ATP6V1E1: variants seen among roughly 807,000 people sequenced by gnomAD.
ATP6V1E1 encodes V-type proton ATPase subunit E 1.
Under a neutral mutation model 35.2 loss-of-function variants are expected in ATP6V1E1, and 21 were observed. That is an observed-to-expected ratio of 0.60 (90% CI 0.42 to 0.86). The LOEUF (loss-of-function observed/expected upper bound fraction) is 0.86. Among genes scored for constraint, ATP6V1E1 ranks in the 40% least tolerant of loss-of-function variants. The pLI, the probability that ATP6V1E1 is intolerant of heterozygous loss-of-function variation, is 0.00. For missense variants in ATP6V1E1, 183 were observed against 272.6 expected (o/e 0.67, Z 2.32); for synonymous variants, 83 against 87.8 (o/e 0.95, Z 0.30).
At chr22:17,612,760 GA>G (rs1176174631) in intron 4 of ATP6V1E1, 51 bp downstream of exon 4, 1 of 1,372,376 alleles carries the variant, frequency 7.3e-7, no homozygotes, top group African/African-American at 1.5e-5. Context: ...TTACAACAGG[GA>G]AATGAATAAA....
chr22:17,626,008 T>A (rs540730827), intron 1 of ATP6V1E1, among the ~76,000 whole-genome samples: 33 of 152,102 alleles, frequency 2.2e-4, no homozygotes, highest in Non-Finnish European at 4.6e-4. Context: ...CTCCTAAATG[T>A]AAGCAAAAGG....
intron 2 of ATP6V1E1, 48 bp from the exon 3 acceptor site, chr22:17,613,368 AAC>A: frequency 6.8e-7 from 1 of 1,479,802 alleles, no homozygotes. Context: ...AGTTTTGATT[AAC>A]AGTTTTAAAC....
At chr22:17,617,785 C>CTA (rs1400560898) in intron 2 of ATP6V1E1, among the ~76,000 whole-genome samples, 1 of 152,016 alleles carries the variant, frequency 6.6e-6, no homozygotes, top group African/African-American at 2.4e-5. Flanking sequence ...ATTTTATACC[C>CTA]TATATACTTC....
chr22:17,608,110 T>C lies in ATP6V1E1; in HGVS notation c.276+4702A>G, dbSNP rs1283723735. Among the ~76,000 whole-genome samples the C allele has an allele frequency of 2.6e-5, 4 of 152,188 alleles. No homozygotes were observed. The East Asian group carries it at 7.7e-4, about 29-fold the overall frequency. On this transcript the variant is annotated intron_variant, in intron 4 of 8. Coordinates refer to ENST00000253413, the MANE Select transcript of ATP6V1E1 (RefSeq NM_001696.4). ...GCTGTAGTGGAGATGTATTATCTTG[T>C]CCAGGTCCTATTAGACTGCAGACTC...
At chr22:17,592,782 T>C (rs1410078551) in intron 8 of ATP6V1E1, 46 bp from the exon 9 acceptor site, 2 of 1,517,544 alleles carry the variant, frequency 1.3e-6, no homozygotes, top group African/African-American at 2.8e-5. Context: ...GCTGAAGAAG[T>C]TGTAGAGCGC....
intron 2 of ATP6V1E1, among the ~76,000 whole-genome samples, chr22:17,614,567 G>C (rs1051530846): frequency 1.3e-5 from 2 of 151,610 alleles, no homozygotes; most frequent in African/African-American, 2.4e-5. Context: ...AGATACTCAA[G>C]AGGGAGAGGT....
chr22:17,624,261 T>C (rs1264253637), intron 1 of ATP6V1E1, among the ~76,000 whole-genome samples: 1 of 152,098 alleles, frequency 6.6e-6, no homozygotes, highest in East Asian at 1.9e-4. Flanking sequence ...CAATTTTACA[T>C]AAATAAAAAA....
intron 1 of ATP6V1E1, among the ~76,000 whole-genome samples, chr22:17,623,086 G>C (rs1203375907): frequency 1.3e-5 from 2 of 152,116 alleles, no homozygotes; most frequent in Admixed American, 1.3e-4. Context: ...TATTTTGGCA[G>C]GTGAGTTGTT....
chr22:17,606,405 T>G (rs1323976190), intron 4 of ATP6V1E1, among the ~76,000 whole-genome samples: 1 of 152,208 alleles, frequency 6.6e-6, no homozygotes, highest in Admixed American at 6.6e-5. Flanking sequence ...CGGTATCATT[T>G]CACAGTCTGT....
intron 7 of ATP6V1E1, 108 bp from the exon 8 acceptor site, chr22:17,594,724 G>A (rs1019583203): frequency 1.6e-5 from 13 of 812,374 alleles, no homozygotes; most frequent in East Asian, 3.3e-5. Context: ...TGTAGACTGC[G>A]CAACCTAAGC....
At chr22:17,598,345 A>G in intron 6 of ATP6V1E1, 57 bp from the exon 7 acceptor site, 2 of 1,347,624 alleles carry the variant, frequency 1.5e-6, no homozygotes, top group Non-Finnish European at 2.1e-6. Context: ...CAAGTATCCA[A>G]AAACTCAACA....
intron 1 of ATP6V1E1, among the ~76,000 whole-genome samples, chr22:17,620,412 A>G (rs962516902): frequency 4.0e-5 from 6 of 151,364 alleles, no homozygotes; most frequent in Non-Finnish European, 7.4e-5. Flanking sequence ...CTCCCAAAGT[A>G]CTGGGATTAC....
intron 4 of ATP6V1E1, among the ~76,000 whole-genome samples, chr22:17,602,074 T>G (rs1196495851): frequency 1.3e-5 from 2 of 152,132 alleles, no homozygotes; most frequent in East Asian, 3.9e-4. Context: ...CCAGCTCATA[T>G]TATTTTATTT....
At chr22:17,623,421 C>T (rs2057887976) in intron 1 of ATP6V1E1, among the ~76,000 whole-genome samples, 1 of 152,084 alleles carries the variant, frequency 6.6e-6, no homozygotes, top group Admixed American at 6.6e-5. Flanking sequence ...GCCTGTAATC[C>T]CAGCACTTTG....
intron 4 of ATP6V1E1, chr22:17,612,588 A>G: frequency 2.1e-6 from 1 of 483,632 alleles, no homozygotes. Context: ...GTCCACCCAT[A>G]GTGTGTGCTA....
chr22:17,595,831 AACAACAACAAAAAAAGAG>A (rs1301362565), intron 7 of ATP6V1E1, among the ~76,000 whole-genome samples: 1 of 151,698 alleles, frequency 6.6e-6, no homozygotes, highest in Non-Finnish European at 1.5e-5. Flanking sequence ...AAAATACAAC[AACAACAACAAAAAAAGAG>A]GCTGGGTGCG....
intron 1 of ATP6V1E1, among the ~76,000 whole-genome samples, chr22:17,627,824 A>AAC (rs1352392421): frequency 6.7e-6 from 1 of 150,078 alleles, no homozygotes; most frequent in East Asian, 2.0e-4. Context: ...GTCTCAAAAA[A>AAC]AAAAAAAAGA....
At chr22:17,608,475 G>T (rs768852878) in intron 4 of ATP6V1E1, among the ~76,000 whole-genome samples, 70 of 152,052 alleles carry the variant, frequency 4.6e-4, no homozygotes, top group Non-Finnish European at 8.5e-4. Flanking sequence ...ATTTATGCTG[G>T]AATGCAGTGG....
chr22:17,620,590 C>T (rs2057871285), intron 1 of ATP6V1E1, among the ~76,000 whole-genome samples: 1 of 152,056 alleles, frequency 6.6e-6, no homozygotes, highest in Non-Finnish European at 1.5e-5. Context: ...TCTTTTTGAA[C>T]ATCCTACTCA....
Sources: allele counts gnomAD v4.1 joint callset (sites outside exome capture counted in the v4.1 genomes callset), GRCh38; gene constraint gnomAD v4.1.1; transcripts MANE v1.5; gene names NCBI Gene and HGNC (gene_info 2026-07-23, HGNC 2026-07-21).